Variants in COQ10B observed in about 807,000 individuals in gnomAD.
COQ10B encodes the protein coenzyme Q10B.
Under a neutral mutation model 27.6 loss-of-function variants are expected in COQ10B, and 12 were observed. That is an observed-to-expected ratio of 0.43 (90% CI 0.28 to 0.70). The LOEUF is 0.70. COQ10B is among the 30% of genes least tolerant of loss of function. The probability of loss-of-function intolerance (pLI) is 0.17; values close to 1 mark genes in which losing one functional copy is unlikely to be tolerated. For missense variants in COQ10B, 278 were observed against 288.7 expected, an observed-to-expected ratio of 0.96 and a Z score of 0.27; for synonymous variants, 115 against 103.0, an observed-to-expected ratio of 1.12 and a Z score of -0.71.
intron 1 of COQ10B, among the ~76,000 whole-genome samples, chr2:197,459,078 T>A (rs1291797055): frequency 6.6e-6 from 1 of 152,216 alleles, no homozygotes; most frequent in African/African-American, 2.4e-5. Flanking sequence ...AATAAGTTTC[T>A]GGTTAACTAG....
chr2:197,456,755 A>T (rs2085703746), intron 1 of COQ10B, among the ~76,000 whole-genome samples: 2 of 152,002 alleles, frequency 1.3e-5, no homozygotes, highest in South Asian at 4.2e-4. Flanking sequence ...ATAGAGCAAG[A>T]CTCCATCTCA....
chr2:197,456,801 A>T (rs2085704369), intron 1 of COQ10B, among the ~76,000 whole-genome samples: 1 of 151,950 alleles, frequency 6.6e-6, no homozygotes, highest in Admixed American at 6.6e-5. Context: ...TTAAAAAAAA[A>T]TTGATCTTAG....
intron 2 of COQ10B, among the ~76,000 whole-genome samples, chr2:197,460,714 C>T (rs1484055699): frequency 1.3e-5 from 2 of 152,178 alleles, no homozygotes; most frequent in African/African-American, 2.4e-5. Flanking sequence ...TACTAAGGCT[C>T]CTCATCTAGA....
rs879356506 is a variant in COQ10B, at chr2:197,463,964, AATATAT to A, written c.447+1261_447+1266del. On this transcript the variant is annotated intron_variant, in intron 3 of 4. Transcript: ENST00000263960. ...AAAAAAAAAAAAAAAAAAAAAAAAA[AATATAT>A]ATATATATATATATATATATATATA... 4.2e-3 allele frequency among the ~76,000 whole-genome samples: 119 copies of A among 28,144 alleles called. 1 individual carries two copies. Among genetic ancestry groups the A allele is most frequent in the African/African-American group, 0.013 (82 of 6,280 alleles). 18.5% of individuals were successfully genotyped at this position (28,144 alleles called of 152,430 possible).
rs1178937564 is a variant in COQ10B, at chr2:197,473,429, T to A, written c.550-328T>A. Among the ~76,000 whole-genome samples, 7 of 101,536 alleles carry A rather than the reference T, an allele frequency of 6.9e-5. 1 individual carries two copies. Among genetic ancestry groups the A allele is most frequent in the African/African-American group, 2.5e-4 (7 of 28,446 alleles). The allele number at this position is 101,536 out of a possible 152,430, so 66.6% of individuals were successfully genotyped here. A position where few individuals can be genotyped will look rare whatever the true frequency, so the allele number is the denominator to read the frequency against. On this transcript the variant is annotated intron_variant, in intron 4 of 4. Coordinates refer to ENST00000263960, the MANE Select transcript of COQ10B (RefSeq NM_025147.5). ...AAAAAAAAAAAAATATATATATATA[T>A]ATATATATATATACACATATATACA...
intron 2 of COQ10B, among the ~76,000 whole-genome samples, chr2:197,460,356 C>G (rs1323892023): frequency 6.6e-6 from 1 of 151,964 alleles, no homozygotes; most frequent in African/African-American, 2.4e-5. Flanking sequence ...CCATGCCTAG[C>G]TAATTTTTGT....
chr2:197,469,952 T>C (rs1266020038), intron 3 of COQ10B, 118 bp from the exon 4 acceptor site: 2 of 614,168 alleles, frequency 3.3e-6, no homozygotes, highest in Non-Finnish European at 5.8e-6. Context: ...TCTCCTATGG[T>C]CTGACCTATA....
chr2:197,471,431 C>T (rs958232793), intron 4 of COQ10B, among the ~76,000 whole-genome samples: 1 of 152,002 alleles, frequency 6.6e-6, no homozygotes, highest in Non-Finnish European at 1.5e-5. Context: ...CGTGAGCCAC[C>T]GCACCCAGCC....
At chr2:197,463,195 A>T (rs1198932196) in intron 3 of COQ10B, among the ~76,000 whole-genome samples, 1 of 152,142 alleles carries the variant, frequency 6.6e-6, no homozygotes, top group Non-Finnish European at 1.5e-5. Context: ...AGATATAGGC[A>T]TAGCGCTGTG....
chr2:197,453,989 A>G, intron 1 of COQ10B: 5 of 1,550,938 alleles, frequency 3.2e-6, no homozygotes, highest in Middle Eastern at 1.7e-4. Flanking sequence ...GCTGTTGGAA[A>G]GTTTTAACTT....
chr2:197,459,489 G>A (rs912580505), intron 1 of COQ10B, among the ~76,000 whole-genome samples: 1 of 152,078 alleles, frequency 6.6e-6, no homozygotes, highest in Admixed American at 6.6e-5. Flanking sequence ...TCTGGTAGGT[G>A]GTCCTACCAG....
intron 1 of COQ10B, 56 bp from the exon 2 acceptor site, chr2:197,459,876 G>A (rs1299145900): frequency 1.5e-6 from 2 of 1,317,452 alleles, no homozygotes; most frequent in African/African-American, 3.0e-5. Context: ...TCTATAATTT[G>A]TGCTTCCTTT....
chr2:197,461,629 G>T (rs1574580798), intron 2 of COQ10B, among the ~76,000 whole-genome samples: 1 of 6,008 alleles, frequency 1.7e-4, no homozygotes, highest in Non-Finnish European at 4.0e-4. Context: ...CAGGGTCTCA[G>T]AGAGAGAGAG....
chr2:197,470,060 T>A lies in COQ10B; in HGVS notation c.448-10T>A. The A allele has an allele frequency of 6.4e-7, 1 of 1,571,102 alleles. No homozygotes were observed. Among genetic ancestry groups the A allele is most frequent in the Non-Finnish European group, 8.7e-7 (1 of 1,143,870 alleles). Reference sequence around the variant, plus strand: ...TTTAACTGTGGTTTTATTTTTTCATTTTGTTGTAGGCATCTTGTACTGATG... The same window carrying A: ...TTTAACTGTGGTTTTATTTTTTCATATTGTTGTAGGCATCTTGTACTGATG... On this transcript the variant is annotated splice_polypyrimidine_tract_variant and intron_variant, in intron 3 of 4. Coordinates refer to ENST00000263960, the MANE Select transcript of COQ10B (RefSeq NM_025147.5).
At chr2:197,456,593 T>A (rs1264164630) in intron 1 of COQ10B, among the ~76,000 whole-genome samples, 2 of 148,446 alleles carry the variant, frequency 1.3e-5, no homozygotes, top group Non-Finnish European at 3.0e-5. Flanking sequence ...TGAAACCCCA[T>A]CTCAACTAAA....
At position 197,460,043 on chromosome 2, in the gene COQ10B, A is replaced by G. The variant is rs764577127; in HGVS notation, c.216A>G (p.Ile72Met). 2.5e-6 allele frequency: 4 copies of G among 1,610,012 alleles called. No individual in the cohort carries two copies. In the South Asian group the frequency reaches 4.4e-5, roughly 18 times the overall value. The change falls in exon 2 of 5, where the codon ATA becomes ATG. Residue 72 changes from isoleucine (I) to methionine (M), a missense_variant. Physicochemically the swap from Ile to Met is conservative, Grantham distance 10 (BLOSUM62 1). Around this residue, in one of 3 missense-constraint regions of COQ10B, gnomAD observed 183 missense variants for 158.2 expected, o/e 1.16. Coordinates refer to ENST00000263960, the MANE Select transcript of COQ10B (RefSeq NM_025147.5). Reference sequence around the variant, plus strand: ...TCTTCAAAATCACTGCACCATTAATAAACAAAAGGAAAGAATATTCAGAGA... The same window carrying G: ...TCTTCAAAATCACTGCACCATTAATGAACAAAAGGAAAGAATATTCAGAGA... Reference protein sequence around the residue: ...RTFFKITAPLINKRKEYSERR... With the variant: ...RTFFKITAPLMNKRKEYSERR...
At chr2:197,455,025 G>GTAAC (rs2106043228) in intron 1 of COQ10B, among the ~76,000 whole-genome samples, 1 of 152,272 alleles carries the variant, frequency 6.6e-6, no homozygotes, top group East Asian at 1.9e-4. Flanking sequence ...CCAGGCCACT[G>GTAAC]TAACTATAGC....
intron 4 of COQ10B, among the ~76,000 whole-genome samples, chr2:197,473,434 A>ATATATATG (rs1553575321): frequency 2.7e-5 from 3 of 109,214 alleles, no homozygotes; most frequent in East Asian, 4.5e-4. Context: ...ATATATATAT[A>ATATATATG]TATATATACA....
In COQ10B at chr2:197,473,961, T is replaced by C. The variant is rs368273075; in HGVS notation, c.*37T>C. 2.1e-6 allele frequency: 3 copies of C among 1,428,554 alleles called. No individual in the cohort carries two copies. The highest frequency in any genetic ancestry group is 1.9e-4 in the Middle Eastern group (1 of 5,396). 88.5% of individuals were successfully genotyped at this position (1,428,554 alleles called of 1,614,324 possible). A position where few individuals can be genotyped will look rare whatever the true frequency, so the allele number is the denominator to read the frequency against. On this transcript the variant is annotated 3_prime_UTR_variant, in exon 5 of 5. Transcript: ENST00000263960. ...AACTGGTGCCACCTGCTTCTGACTT[T>C]AGTTTGTTCACTTTTAGGAAGTATT...
Sources: gnomAD v4.1 joint callset for allele counts (sites outside exome capture counted in the v4.1 genomes callset) on GRCh38, gnomAD v4.1.1 for gene constraint, gnomAD v4.1.1 regional missense constraint, MANE v1.5 for transcripts, NCBI Gene and HGNC (gene_info 2026-07-23, HGNC 2026-07-21) for gene names.